The following STAM variants were observed in gnomAD, a reference collection of about 807,000 sequenced individuals.
The protein encoded by STAM is signal transducing adaptor molecule, also known as signal transducing adapter molecule 1.
A neutral mutation model predicts 63.4 loss-of-function variants in STAM; 16 were observed. The observed-to-expected ratio is 0.25, with a 90% CI of 0.17 to 0.38. STAM has a LOEUF of 0.38. Ranked by LOEUF, STAM falls within the 10% of genes least tolerant of loss-of-function variation. The pLI is 1.00. For synonymous variants in STAM, 238 were observed against 223.9 expected (o/e 1.06, Z -0.56); for missense variants, 636 against 657.1 (o/e 0.97, Z 0.35).
chr10:17,657,132 C>G (rs1394773739), intron 1 of STAM, among the ~76,000 whole-genome samples: 2 of 152,180 alleles, frequency 1.3e-5, no homozygotes, highest in African/African-American at 4.8e-5. Flanking sequence ...CCTGGGCTCA[C>G]TCACTCAGTG....
chr10:17,712,861 C>T (rs1051765605), intron 13 of STAM, among the ~76,000 whole-genome samples: 9 of 151,968 alleles, frequency 5.9e-5, no homozygotes, highest in African/African-American at 2.2e-4. Context: ...GTACTGGCAG[C>T]GGAGCGGTGG....
At chr10:17,707,190 A>G (rs1037970421) in intron 12 of STAM, among the ~76,000 whole-genome samples, 4 of 152,052 alleles carry the variant, frequency 2.6e-5, no homozygotes, top group African/African-American at 9.7e-5. Context: ...CGGGTGGATC[A>G]CGAGGTCAGG....
In STAM at chr10:17,711,881, A is replaced by ATT. The variant is rs1242420581; in HGVS notation, c.1386-2661_1386-2660dup. Among the ~76,000 whole-genome samples, 5 of 152,260 alleles carry ATT rather than the reference A, an allele frequency of 3.3e-5. No homozygotes were observed. The East Asian group carries it at 9.6e-4, about 29-fold the overall frequency. On this transcript the variant is annotated intron_variant, in intron 13 of 13. Coordinates refer to ENST00000377524, the MANE Select transcript of STAM (RefSeq NM_003473.4). ...GCGTAGATGGATTCATAGGGGCAAG[A>ATT]TTAGAAGCTGGGAGACCATGGATAT...
At position 17,680,952 on chromosome 10, in the gene STAM, C is replaced by G. The variant is rs570327550; in HGVS notation, c.126-3723C>G. ...CGGGTATACCACTATCTCCTCCAGA[C>G]CCTGCCTGCTTTCAGTCCTTTGGGG... On this transcript the variant is annotated intron_variant, in intron 2 of 13. Coordinates refer to ENST00000377524, the MANE Select transcript of STAM (RefSeq NM_003473.4). Among the ~76,000 whole-genome samples the G allele has an allele frequency of 9.9e-4, 151 of 152,320 alleles. 2 individuals carry two copies. In the Middle Eastern group the frequency reaches 0.024, roughly 24 times the overall value.
intron 9 of STAM, among the ~76,000 whole-genome samples, chr10:17,703,356 T>C (rs563828533): frequency 1.3e-5 from 2 of 151,990 alleles, no homozygotes; most frequent in African/African-American, 2.4e-5. Context: ...AGCATACTTA[T>C]GTCACTTTCA....
chr10:17,712,426 A>G (rs1554830176), intron 13 of STAM, among the ~76,000 whole-genome samples: 3 of 152,232 alleles, frequency 2.0e-5, no homozygotes. Flanking sequence ...ATATGGAGTG[A>G]TGACAAATAA....
At chr10:17,696,707 C>T in intron 7 of STAM, 68 bp from the exon 8 acceptor site, 2 of 1,197,092 alleles carry the variant, frequency 1.7e-6, no homozygotes, top group Non-Finnish European at 2.4e-6. Flanking sequence ...TTGAATACTA[C>T]AAAAGATAAA....
chr10:17,650,666 T>C (rs762366306), intron 1 of STAM, among the ~76,000 whole-genome samples: 18 of 152,206 alleles, frequency 1.2e-4, no homozygotes, highest in Non-Finnish European at 1.2e-4. Flanking sequence ...GTACAGTAGC[T>C]TCCAGCTGTT....
At position 17,644,152 on chromosome 10, in the gene STAM, C is replaced by T; in HGVS notation, c.-188C>T. The T allele has an allele frequency of 1.6e-6, 1 of 638,268 alleles. No individual in the cohort carries two copies. Among genetic ancestry groups the T allele is most frequent in the South Asian group, 1.7e-5 (1 of 57,186 alleles). 39.5% of individuals were successfully genotyped at this position (638,268 alleles called of 1,614,324 possible). ...CTCCGCGCGGGGGCTTCCTCGGCTC[C>T]TTGCTGTTGCCGCCGCCGCAGCTGC... On this transcript the variant is annotated 5_prime_UTR_variant, in exon 1 of 14. Coordinates refer to ENST00000377524, the MANE Select transcript of STAM (RefSeq NM_003473.4).
chr10:17,697,012 T>TTG lies in STAM; in HGVS notation c.823+143_823+144insTG, dbSNP rs1554827645. The TTG allele has an allele frequency of 9.7e-6, 6 of 618,622 alleles. No individual in the cohort carries two copies. In the East Asian group the frequency reaches 1.4e-4, roughly 14 times the overall value. 38.3% of individuals were successfully genotyped at this position (618,622 alleles called of 1,614,324 possible). A position where few individuals can be genotyped will look rare whatever the true frequency, so the allele number is the denominator to read the frequency against. The stretch of plus-strand genomic sequence containing the variant: ...TCGGATCATTGCAACCTCCGCCTCC[T>TTG]GGGTTCAGGTGATTCTCCTGCCTCA... On this transcript the variant is annotated intron_variant, in intron 8 of 13. Transcript: ENST00000377524.
intron 13 of STAM, among the ~76,000 whole-genome samples, chr10:17,710,714 T>C (rs181750874): frequency 6.6e-6 from 1 of 152,318 alleles, no homozygotes; most frequent in African/African-American, 2.4e-5. Flanking sequence ...GTCTTTCACC[T>C]CTATAGCCAT....
chr10:17,658,809 T>G (rs532744636), intron 1 of STAM, among the ~76,000 whole-genome samples: 51 of 152,284 alleles, frequency 3.3e-4, no homozygotes, highest in Middle Eastern at 6.8e-3. Flanking sequence ...TTTTAATCTC[T>G]ATGTGTTTTT....
intron 9 of STAM, among the ~76,000 whole-genome samples, chr10:17,702,901 G>C (rs1180179150): frequency 1.3e-5 from 2 of 151,176 alleles, no homozygotes; most frequent in African/African-American, 4.9e-5. Context: ...CTAGCTACTT[G>C]GGAGGCTGAG....
chr10:17,654,368 G>T (rs1444127518), intron 1 of STAM, among the ~76,000 whole-genome samples: 2 of 151,794 alleles, frequency 1.3e-5, no homozygotes, highest in African/African-American at 4.8e-5. Context: ...GACTACATGC[G>T]CCCACCACCA....
In STAM at chr10:17,706,202, A is replaced by G. The variant is rs538037301; in HGVS notation, c.1209+461A>G. The stretch of plus-strand genomic sequence containing the variant: ...TTTTTTTACTTGGCAGTTACAGCAT[A>G]TAATATACTAATTATGCTAATAGTT... On this transcript the variant is annotated intron_variant, in intron 12 of 13. Coordinates refer to ENST00000377524, the MANE Select transcript of STAM (RefSeq NM_003473.4). Among the ~76,000 whole-genome samples the G allele has an allele frequency of 2.0e-5, 3 of 151,962 alleles. No individual in the cohort carries two copies. The South Asian group carries it at 6.2e-4, about 32-fold the overall frequency.
intron 1 of STAM, among the ~76,000 whole-genome samples, chr10:17,654,614 C>T (rs1249488247): frequency 6.6e-6 from 1 of 152,098 alleles, no homozygotes; most frequent in Non-Finnish European, 1.5e-5. Flanking sequence ...TTTTTGAGCA[C>T]TTAGACTGAG....
intron 4 of STAM, among the ~76,000 whole-genome samples, chr10:17,686,739 A>G (rs1433883859): frequency 2.6e-5 from 4 of 152,244 alleles, no homozygotes; most frequent in African/African-American, 7.2e-5. Context: ...TATAGTCTCA[A>G]TAAAGCGTTT....
chr10:17,663,308 T>A (rs1000492261), intron 2 of STAM, among the ~76,000 whole-genome samples: 3 of 152,160 alleles, frequency 2.0e-5, no homozygotes, highest in Non-Finnish European at 4.4e-5. Flanking sequence ...TTTTTGTTTT[T>A]ATCCAGTATC....
intron 2 of STAM, among the ~76,000 whole-genome samples, chr10:17,662,336 A>G (rs2131585816): frequency 1.3e-5 from 2 of 151,476 alleles, no homozygotes; most frequent in East Asian, 3.9e-4. Flanking sequence ...TTCCTCTTTA[A>G]TTTCCCATCT....
Sources: allele counts gnomAD v4.1 joint callset (sites outside exome capture counted in the v4.1 genomes callset), GRCh38; gene constraint gnomAD v4.1.1; transcripts MANE v1.5; gene names NCBI Gene and HGNC (gene_info 2026-07-23, HGNC 2026-07-21).